Variants in UNC5D observed in about 807,000 individuals in gnomAD.
UNC5D encodes the protein netrin receptor UNC5D.
A neutral mutation model predicts 105.4 loss-of-function variants in UNC5D; 39 were observed. The ratio of observed to expected loss-of-function variants is 0.37; its 90% CI spans 0.29 to 0.48. The LOEUF is 0.48. Among genes scored for constraint, UNC5D ranks in the 20% least tolerant of loss-of-function variants. The pLI is 0.98. For synonymous variants in UNC5D, 452 were observed against 450.4 expected, an observed-to-expected ratio of 1.00 and a Z score of -0.04; for missense variants, 991 against 1,202.4, an observed-to-expected ratio of 0.82 and a Z score of 2.60.
intron 1 of UNC5D, among the ~76,000 whole-genome samples, chr8:35,239,352 C>T (rs1018241965): frequency 1.3e-5 from 2 of 152,130 alleles, no homozygotes; most frequent in African/African-American, 4.8e-5. Flanking sequence ...AATCACTTTT[C>T]TGTTTATTGT....
intron 1 of UNC5D, among the ~76,000 whole-genome samples, chr8:35,524,634 C>A (rs1563498862): frequency 8.7e-6 from 1 of 115,580 alleles, no homozygotes; most frequent in Non-Finnish European, 1.8e-5. Context: ...CAAGCCATGC[C>A]CTGTGCAAAA....
intron 1 of UNC5D, among the ~76,000 whole-genome samples, chr8:35,462,551 G>T (rs1585898232): frequency 6.6e-6 from 1 of 152,048 alleles, no homozygotes; most frequent in East Asian, 1.9e-4. Flanking sequence ...CAGCACTAAT[G>T]GTATAATTAC....
chr8:35,450,004 A>G lies in UNC5D; in HGVS notation c.104-99288A>G, dbSNP rs62505488. Among the ~76,000 whole-genome samples, 359 of 152,200 alleles carry G rather than the reference A, an allele frequency of 2.4e-3. 2 individuals are homozygous for G. Among genetic ancestry groups the G allele is most frequent in the Non-Finnish European group, 4.2e-3 (287 of 68,002 alleles). On this transcript the variant is annotated intron_variant, in intron 1 of 16. Transcript: ENST00000404895. ...CAAAGCCTTTTCAGATTATTTTGAC[A>G]CATGCTGATCTCTTTCCACACTCTA...
chr8:35,588,083 A>G (rs1398028670), intron 3 of UNC5D, among the ~76,000 whole-genome samples: 1 of 150,500 alleles, frequency 6.6e-6, no homozygotes, highest in East Asian at 2.0e-4. Flanking sequence ...ATATGTATGC[A>G]ATTTGGTTCA....
intron 1 of UNC5D, among the ~76,000 whole-genome samples, chr8:35,548,162 TCA>T (rs1815838771): frequency 6.6e-6 from 1 of 152,078 alleles, no homozygotes; most frequent in South Asian, 2.1e-4. Flanking sequence ...GACAACACCC[TCA>T]CAGACTCACC....
At chr8:35,583,785 C>T (rs1384988492) in intron 3 of UNC5D, among the ~76,000 whole-genome samples, 3 of 152,144 alleles carry the variant, frequency 2.0e-5, no homozygotes, top group Non-Finnish European at 2.9e-5. Flanking sequence ...CTCCTATTTA[C>T]GTTAAACTTC....
intron 1 of UNC5D, among the ~76,000 whole-genome samples, chr8:35,380,644 G>T (rs1182517363): frequency 6.6e-6 from 1 of 151,842 alleles, no homozygotes; most frequent in South Asian, 2.1e-4. Flanking sequence ...TTAGAAAGTC[G>T]AAAGCAAAGC....
intron 1 of UNC5D, among the ~76,000 whole-genome samples, chr8:35,498,928 A>C (rs1262492796): frequency 1.3e-5 from 2 of 152,114 alleles, no homozygotes. Context: ...AGCATTCAGC[A>C]ATGCTTTGAA....
At chr8:35,532,546 A>G (rs1262533190) in intron 1 of UNC5D, among the ~76,000 whole-genome samples, 1 of 45,312 alleles carries the variant, frequency 2.2e-5, no homozygotes, top group South Asian at 8.6e-4. Flanking sequence ...CTTCTCGAGG[A>G]GTATCTTTGT....
chr8:35,344,293 A>C (rs1811655311), intron 1 of UNC5D, among the ~76,000 whole-genome samples: 1 of 152,096 alleles, frequency 6.6e-6, no homozygotes, highest in African/African-American at 2.4e-5. Context: ...CTTTCCACAC[A>C]CAAAGGAATA....
rs1802267950 is a variant in UNC5D, at chr8:35,776,816, C to T, written c.2657+2339C>T. Among the ~76,000 whole-genome samples, 3 of 152,200 alleles carry T rather than the reference C, an allele frequency of 2.0e-5. No individual in the cohort carries two copies. In the South Asian group the frequency reaches 6.2e-4, roughly 32 times the overall value. On this transcript the variant is annotated intron_variant, in intron 16 of 16. Transcript: ENST00000404895. ...TAGCACAAATATATGGAATCTACTT[C>T]TATCCTTAAATCTTATATAGCCCGG...
intron 1 of UNC5D, among the ~76,000 whole-genome samples, chr8:35,450,325 A>G (rs993363874): frequency 2.6e-5 from 4 of 152,168 alleles, no homozygotes; most frequent in East Asian, 1.9e-4. Flanking sequence ...CTGGTCTTCT[A>G]TCAATACGGA....
intron 2 of UNC5D, among the ~76,000 whole-genome samples, chr8:35,555,984 G>A (rs1341376928): frequency 6.6e-6 from 1 of 151,108 alleles, no homozygotes; most frequent in African/African-American, 2.4e-5. Context: ...TGTAGAGGAA[G>A]CAATGTTTGA....
intron 1 of UNC5D, among the ~76,000 whole-genome samples, chr8:35,541,957 CTT>C (rs1815306702): frequency 6.6e-6 from 1 of 151,786 alleles, no homozygotes; most frequent in Non-Finnish European, 1.5e-5. Context: ...AAGAATGGCT[CTT>C]TGATTTCTTT....
intron 1 of UNC5D, among the ~76,000 whole-genome samples, chr8:35,334,661 T>C (rs1375289626): frequency 6.6e-6 from 1 of 152,042 alleles, no homozygotes; most frequent in Non-Finnish European, 1.5e-5. Context: ...TACAAGTACA[T>C]GCCACCATGC....
chr8:35,483,245 C>T (rs1036089647), intron 1 of UNC5D, among the ~76,000 whole-genome samples: 1 of 152,142 alleles, frequency 6.6e-6, no homozygotes, highest in Non-Finnish European at 1.5e-5. Context: ...AGAATTTACT[C>T]TAAGCATTGT....
At chr8:35,494,308 T>A (rs999128136) in intron 1 of UNC5D, among the ~76,000 whole-genome samples, 6 of 152,166 alleles carry the variant, frequency 3.9e-5, no homozygotes, top group Non-Finnish European at 7.4e-5. Context: ...CTAAATAACA[T>A]GAAATAAGTT....
At chr8:35,573,474 GAAA>G (rs1242840989) in intron 3 of UNC5D, among the ~76,000 whole-genome samples, 1 of 151,550 alleles carries the variant, frequency 6.6e-6, no homozygotes, top group Non-Finnish European at 1.5e-5. Context: ...AAAAAGAAAA[GAAA>G]AAAAAGTTAG....
chr8:35,566,595 C>G (rs1406158228), intron 2 of UNC5D, among the ~76,000 whole-genome samples: 2 of 152,204 alleles, frequency 1.3e-5, no homozygotes, highest in African/African-American at 4.8e-5. Flanking sequence ...GTGCGAACAC[C>G]AGGCTCACAC....
Sources: allele counts gnomAD v4.1 joint callset (sites outside exome capture counted in the v4.1 genomes callset), GRCh38; gene constraint gnomAD v4.1.1; transcripts MANE v1.5; gene names NCBI Gene and HGNC (gene_info 2026-07-23, HGNC 2026-07-21).